The following FAAH2 variants were observed in gnomAD, a reference collection of about 807,000 sequenced individuals.
FAAH2 encodes the protein fatty acid amide hydrolase 2.
Under a neutral mutation model 36.9 loss-of-function variants are expected in FAAH2, and 60 were observed. The observed-to-expected ratio is 1.63, with a 90% CI of 1.32 to 2.02. The LOEUF (loss-of-function observed/expected upper bound fraction) is 2.02, where lower values mean the gene tolerates loss of function less well. Ranked by LOEUF, FAAH2 falls within the 30% of genes most tolerant of loss-of-function variation. The pLI, the probability that FAAH2 is intolerant of heterozygous loss-of-function variation, is 0.00. For synonymous variants in FAAH2, 214 were observed against 143.8 expected, an observed-to-expected ratio of 1.49 and a Z score of -3.49; for missense variants, 689 against 397.5, an observed-to-expected ratio of 1.73 and a Z score of -6.23.
At chrX:57,328,762 G>A (rs1007894986) in intron 3 of FAAH2, among the ~76,000 whole-genome samples, 7 of 111,557 alleles carry the variant, frequency 6.3e-5, no homozygotes, top group African/African-American at 9.8e-5. Context: ...AACCTTGGGC[G>A]ATTTGATTAT....
the FAAH2 span, among the ~76,000 whole-genome samples, chrX:57,205,918 G>A: frequency 3.6e-5 from 4 of 111,332 alleles, no homozygotes; most frequent in East Asian, 2.8e-4. Flanking sequence ...TTAACAATCC[G>A]AGTTCTCCCA....
the FAAH2 span, among the ~76,000 whole-genome samples, chrX:57,261,015 C>T: frequency 9.0e-6 from 1 of 111,366 alleles, no homozygotes; most frequent in African/African-American, 3.3e-5. Flanking sequence ...CATACATCTA[C>T]CATAAAACCC....
chrX:57,291,703 G>A (rs949104240), intron 1 of FAAH2, among the ~76,000 whole-genome samples: 3 of 109,403 alleles, frequency 2.7e-5, no homozygotes, highest in African/African-American at 6.6e-5. Context: ...TTACTTGGGG[G>A]TTCTGTTTTG....
Position 57,404,616 on chromosome X carries a change from G to A in FAAH2, c.996+23587G>A, listed in dbSNP as rs144320019. Among the ~76,000 whole-genome samples the A allele has an allele frequency of 2.2e-4, 25 of 111,773 alleles. No individual in the cohort carries two copies. The East Asian group carries it at 3.7e-3, about 16-fold the overall frequency. Reference sequence around the variant, plus strand: ...AAGACTCCCTGGGTTCATAGCCTAGGGGCCTAAGGATGCAGCATAGATCTT... The same window carrying A: ...AAGACTCCCTGGGTTCATAGCCTAGAGGCCTAAGGATGCAGCATAGATCTT... On this transcript the variant is annotated intron_variant, in intron 7 of 10. Coordinates refer to ENST00000374900, the MANE Select transcript of FAAH2 (RefSeq NM_174912.4).
intron 7 of FAAH2, among the ~76,000 whole-genome samples, chrX:57,430,346 T>C (rs1260637111): frequency 9.0e-6 from 1 of 111,328 alleles, no homozygotes; most frequent in Non-Finnish European, 1.9e-5. Flanking sequence ...AATTCTTCCA[T>C]GCCATAATTT....
At chrX:57,210,728 T>C in the FAAH2 span, among the ~76,000 whole-genome samples, 1 of 112,179 alleles carries the variant, frequency 8.9e-6, no homozygotes, top group Non-Finnish European at 1.9e-5. Flanking sequence ...CTATTGAAGA[T>C]GGTACTGGAA....
chrX:57,429,233 G>A (rs1425018741), intron 7 of FAAH2, among the ~76,000 whole-genome samples: 1 of 108,908 alleles, frequency 9.2e-6, no homozygotes, highest in Non-Finnish European at 1.9e-5. Flanking sequence ...CAGCTACTTG[G>A]GAGGCTGAGG....
At chrX:57,324,611 G>A (rs1480858094) in intron 3 of FAAH2, among the ~76,000 whole-genome samples, 2 of 111,852 alleles carry the variant, frequency 1.8e-5, no homozygotes, top group Non-Finnish European at 3.8e-5. Context: ...AATTGTGAAT[G>A]GGAGTTCACT....
chrX:57,333,275 C>A (rs1356582291), intron 4 of FAAH2, among the ~76,000 whole-genome samples: 2 of 111,716 alleles, frequency 1.8e-5, no homozygotes, highest in African/African-American at 6.5e-5. Flanking sequence ...TAAACACAGA[C>A]TAACCCCTAG....
At chrX:57,455,267 TTAC>T (rs2147199614) in intron 10 of FAAH2, among the ~76,000 whole-genome samples, 1 of 111,462 alleles carries the variant, frequency 9.0e-6, no homozygotes, top group South Asian at 3.8e-4. Flanking sequence ...GAATTTATTA[TTAC>T]CAGACCACCC....
rs761441617 is a variant in FAAH2 at position 57,402,217 on chromosome X, G to A, written c.996+21188G>A. On this transcript the variant is annotated intron_variant, in intron 7 of 10. Transcript: ENST00000374900. The stretch of plus-strand genomic sequence containing the variant: ...GACTCAGAGGACCTTCGTCCCCTGG[G>A]GCAGTGGGCCTTCCCGTGATTCCCT... Among the ~76,000 whole-genome samples, 25 of 112,198 alleles carry A rather than the reference G, an allele frequency of 2.2e-4. No homozygotes were observed. The South Asian group carries it at 4.2e-3, about 19-fold the overall frequency.
At chrX:57,143,612 A>G in the FAAH2 span, among the ~76,000 whole-genome samples, 33 of 110,391 alleles carry the variant, frequency 3.0e-4, 1 homozygote, top group African/African-American at 1.0e-3. Flanking sequence ...GAGTAGCTAG[A>G]ACCATAGGAA....
chrX:57,140,594 G>C, the FAAH2 span, among the ~76,000 whole-genome samples: 50 of 66,243 alleles, frequency 7.5e-4, no homozygotes, highest in Non-Finnish European at 1.2e-3. Context: ...GCGAGACCCC[G>C]TCTCAAAAAA....
intron 8 of FAAH2, among the ~76,000 whole-genome samples, chrX:57,433,206 T>A (rs1348212204): frequency 9.0e-6 from 1 of 111,487 alleles, no homozygotes; most frequent in Non-Finnish European, 1.9e-5. Context: ...GGATAAACTG[T>A]TAACATACAT....
At chrX:57,291,263 T>C (rs1037216523) in intron 1 of FAAH2, among the ~76,000 whole-genome samples, 131 of 112,285 alleles carry the variant, frequency 1.2e-3, no homozygotes, top group African/African-American at 4.2e-3. Flanking sequence ...TTGTAGTATA[T>C]GCTTCATGTA....
intron 9 of FAAH2, 82 bp downstream of exon 9, chrX:57,447,121 G>T (rs191355798): frequency 4.6e-4 from 329 of 717,163 alleles, no homozygotes; most frequent in African/African-American, 4.1e-3. Context: ...TGGACTAAAG[G>T]CCCCATGCAA....
At chrX:57,312,399 A>G (rs1202502763) in intron 3 of FAAH2, among the ~76,000 whole-genome samples, 3 of 111,992 alleles carry the variant, frequency 2.7e-5, no homozygotes, top group African/African-American at 9.7e-5. Flanking sequence ...GAGGCCAGGC[A>G]CAGTGGCTTA....
the FAAH2 span, among the ~76,000 whole-genome samples, chrX:57,270,491 C>A: frequency 8.9e-6 from 1 of 112,137 alleles, no homozygotes; most frequent in East Asian, 2.8e-4. Flanking sequence ...AAACTGAATT[C>A]AACAGCACAT....
At chrX:57,467,801 T>G (rs2057079075) in intron 10 of FAAH2, among the ~76,000 whole-genome samples, 1 of 111,727 alleles carries the variant, frequency 9.0e-6, no homozygotes, top group Admixed American at 9.5e-5. Context: ...GACTGCCTCC[T>G]CAAGTGGGTC....
Sources: allele counts gnomAD v4.1 joint callset (sites outside exome capture counted in the v4.1 genomes callset), GRCh38; gene constraint gnomAD v4.1.1; transcripts MANE v1.5; gene names NCBI Gene and HGNC (gene_info 2026-07-23, HGNC 2026-07-21).